The following CCL18 variants were observed in gnomAD, a reference collection of about 807,000 sequenced individuals.
CCL18 encodes C-C motif chemokine 18.
In CCL18, 7 loss-of-function variants were observed where a neutral mutation model predicts 8.0. The observed-to-expected ratio is 0.87, with a 90% CI of 0.50 to 1.64. The LOEUF (loss-of-function observed/expected upper bound fraction) is 1.64, where lower values mean the gene tolerates loss of function less well. Ranked by LOEUF, CCL18 falls within the 40% of genes most tolerant of loss-of-function variation. The pLI is 0.00. For synonymous variants in CCL18, 35 were observed against 41.3 expected (o/e 0.85, Z 0.59); for missense variants, 95 against 107.8 (o/e 0.88, Z 0.52).
chr17:36,070,546 A>T lies in CCL18; in HGVS notation c.167A>T (p.Lys56Met), dbSNP rs761414533. ...DYSETSPQCPKPGVILLTKRG... is the reference protein window; with the variant it reads ...DYSETSPQCPMPGVILLTKRG... The stretch of plus-strand genomic sequence containing the variant: ...TCTGAAACCAGCCCCCAGTGCCCCA[A>T]GCCAGGTGTCATGTAAGTGCCAGTG... Residue 56 changes from lysine (K) to methionine (M), a missense_variant, in exon 2 of 3, where the codon AAG (lysine) becomes ATG (methionine). Lys to Met is a moderately conservative substitution (Grantham distance 95). Coordinates refer to ENST00000616054, the MANE Select transcript of CCL18 (RefSeq NM_002988.4). 12 of 1,609,228 alleles carry T rather than the reference A, an allele frequency of 7.5e-6. No individual in the cohort carries two copies. The Admixed American group carries it at 1.3e-4, about 18-fold the overall frequency.
In CCL18 at chr17:36,071,036, G is replaced by A; in HGVS notation, c.265G>A (p.Ala89Thr). 6.2e-7 allele frequency: 1 copy of A among 1,610,304 alleles called. No individual in the cohort carries two copies. The highest frequency in any genetic ancestry group is 8.5e-7 in the Non-Finnish European group (1 of 1,176,536). The change falls in exon 3 of 3, where the codon GCC becomes ACC. Residue 89 changes from alanine to threonine, a missense_variant. Coordinates refer to ENST00000616054, the MANE Select transcript of CCL18 (RefSeq NM_002988.4). ...QKYISDLKLN[A>T] ...ATACATCAGCGACCTGAAGCTGAAT[G>A]CCTGAGGGGCCTGGAAGCTGCGAGG...
At chr17:36,065,930 A>G (rs914872399) in intron 1 of CCL18, among the ~76,000 whole-genome samples, 1 of 152,128 alleles carries the variant, frequency 6.6e-6, no homozygotes, top group Non-Finnish European at 1.5e-5. Context: ...CCAGCAAGAG[A>G]CCATCGTCTC....
In CCL18 at chr17:36,071,879, C is replaced by G. The variant is rs1028786852; in HGVS notation, c.*838C>G. 2.6e-5 allele frequency: 4 copies of G among 152,308 alleles called. No individual in the cohort carries two copies. In the East Asian group the frequency reaches 7.7e-4, roughly 29 times the overall value. The allele number at this position is 152,308 out of a possible 1,614,324, so 9.4% of individuals were successfully genotyped here. ...CTAGCAAATACTGCCCATAGTCTAG[C>G]AAGGACTCCTTACCTGGAAGTTGCT... On this transcript the variant is annotated 3_prime_UTR_variant, in exon 3 of 3. Coordinates refer to ENST00000616054, the MANE Select transcript of CCL18 (RefSeq NM_002988.4).
chr17:36,069,517 A>G (rs1239264531), intron 1 of CCL18, among the ~76,000 whole-genome samples: 1 of 152,218 alleles, frequency 6.6e-6, no homozygotes, highest in Non-Finnish European at 1.5e-5. Flanking sequence ...AATCTGTATA[A>G]CAAACTCCCA....
At chr17:36,067,439 C>T (rs931204635) in intron 1 of CCL18, among the ~76,000 whole-genome samples, 5 of 152,116 alleles carry the variant, frequency 3.3e-5, no homozygotes, top group African/African-American at 1.2e-4. Context: ...GTAATCCTAG[C>T]ACTTTGGGAG....
rs2066866240 is a variant in CCL18, at chr17:36,071,435, T to C, written c.*394T>C. ...TTGCTCAGCACCACCTTTTAATATA[T>C]TGGCAGTACTTATTATATAAAAGGT... is the stretch of plus-strand genomic sequence containing the variant. On this transcript the variant is annotated 3_prime_UTR_variant, in exon 3 of 3. Coordinates refer to ENST00000616054, the MANE Select transcript of CCL18 (RefSeq NM_002988.4). 1 of 166,070 alleles carries C rather than the reference T, an allele frequency of 6.0e-6. No homozygotes were observed. Among genetic ancestry groups the C allele is most frequent in the Admixed American group, 5.9e-5 (1 of 16,938 alleles). The allele number at this position is 166,070 out of a possible 1,614,324, so 10.3% of individuals were successfully genotyped here.
chr17:36,068,357 A>G (rs1369441163), intron 1 of CCL18, among the ~76,000 whole-genome samples: 2 of 152,010 alleles, frequency 1.3e-5, no homozygotes, highest in African/African-American at 2.4e-5. Flanking sequence ...AGGTTTGGGT[A>G]CTAGAATTTT....
chr17:36,064,373 C>A lies in CCL18; in HGVS notation c.31C>A (p.Leu11Ile). 1 of 1,614,100 alleles carries A rather than the reference C, an allele frequency of 6.2e-7. No individual in the cohort carries two copies. Among genetic ancestry groups the A allele is most frequent in the Non-Finnish European group, 8.5e-7 (1 of 1,179,962 alleles). MKGLAAALLV[L>I]VCTMALCSCA... ...GGGCCTTGCAGCTGCCCTCCTTGTC[C>A]TCGTCTGCACCATGGCCCTCTGCTC... Residue 11 changes from leucine (L) to isoleucine (I), a missense_variant, in exon 1 of 3, where the codon CTC becomes ATC. Leu to Ile is a conservative substitution (Grantham distance 5). Transcript: ENST00000616054.
Position 36,071,041 on chromosome 17 carries a change from A to T in CCL18, c.270A>T (p.Ter90CysextTer35). ...TCAGCGACCTGAAGCTGAATGCCTG[A>T]GGGGCCTGGAAGCTGCGAGGGCCCA... ...KYISDLKLNA[*>C] Residue 90 changes from the stop codon to cysteine, a stop_lost, in exon 3 of 3, where the codon TGA becomes TGT. Coordinates refer to ENST00000616054, the MANE Select transcript of CCL18 (RefSeq NM_002988.4). The T allele has an allele frequency of 6.2e-7, 1 of 1,610,164 alleles. No individual in the cohort carries two copies. Among genetic ancestry groups the T allele is most frequent in the Non-Finnish European group, 8.5e-7 (1 of 1,176,412 alleles).
intron 1 of CCL18, among the ~76,000 whole-genome samples, chr17:36,069,540 A>G (rs1039797317): frequency 1.3e-5 from 2 of 152,232 alleles, no homozygotes; most frequent in Admixed American, 6.5e-5. Context: ...ACATGAGTTT[A>G]CCTATGTAAC....
At position 36,070,067 on chromosome 17, in the gene CCL18, AT is replaced by A. The variant is rs557461139; in HGVS notation, c.68-376del. Among the ~76,000 whole-genome samples, 5 of 152,078 alleles carry A rather than the reference AT, an allele frequency of 3.3e-5. No individual in the cohort carries two copies. The South Asian group carries it at 1.0e-3, about 32-fold the overall frequency. Reference sequence around the variant, plus strand: ...GATGAGAAAATGGAGGCCCACGGGGATTTTGACAAGAGGTAGGATCTGGGTC... The same window carrying A: ...GATGAGAAAATGGAGGCCCACGGGGATTTGACAAGAGGTAGGATCTGGGTC... On this transcript the variant is annotated intron_variant, in intron 1 of 2. Coordinates refer to ENST00000616054, the MANE Select transcript of CCL18 (RefSeq NM_002988.4).
At position 36,064,398 on chromosome 17, in the gene CCL18, C is replaced by G. The variant is rs750809251; in HGVS notation, c.56C>G (p.Ser19Cys). 6.2e-7 allele frequency: 1 copy of G among 1,613,598 alleles called. No individual in the cohort carries two copies. The highest frequency in any genetic ancestry group is 8.5e-7 in the Non-Finnish European group (1 of 1,179,564). Residue 19 changes from serine (S) to cysteine (C), a missense_variant, in exon 1 of 3, where the codon TCC (serine) becomes TGC (cysteine). By Grantham distance (112) the Ser-to-Cys change is moderately radical (BLOSUM62 -1). Coordinates refer to ENST00000616054, the MANE Select transcript of CCL18 (RefSeq NM_002988.4). The part of the protein sequence containing the change: ...LVLVCTMALC[S>C]CAQVGTNKEL... ...CTCGTCTGCACCATGGCCCTCTGCT[C>G]CTGTGCACAAGGTGAGTCTGTCATC...
In CCL18 at chr17:36,070,402, C is replaced by A. The variant is rs377712313; in HGVS notation, c.68-45C>A. ...AAAGGGACCAGGAGCAGCTGGCTTGCCTTGTGAACAATGACTTGGGATCTT... is the reference window on the plus strand; with the variant it reads ...AAAGGGACCAGGAGCAGCTGGCTTGACTTGTGAACAATGACTTGGGATCTT... On this transcript the variant is annotated intron_variant, in intron 1 of 2. Transcript: ENST00000616054. 3 of 1,216,010 alleles carry A rather than the reference C, an allele frequency of 2.5e-6. No individual in the cohort carries two copies. The East Asian group carries it at 7.0e-5, about 28-fold the overall frequency. The allele number at this position is 1,216,010 out of a possible 1,614,324, so 75.3% of individuals were successfully genotyped here.
chr17:36,065,550 A>G (rs1263857039), intron 1 of CCL18, among the ~76,000 whole-genome samples: 1 of 152,170 alleles, frequency 6.6e-6, no homozygotes, highest in African/African-American at 2.4e-5. Flanking sequence ...TAAGAGCACC[A>G]GCTGCTGGAG....
At chr17:36,070,605 G>T (rs146886736) in intron 2 of CCL18, 47 bp downstream of exon 2, 59 of 1,228,076 alleles carry the variant, frequency 4.8e-5, no homozygotes, top group Non-Finnish European at 6.6e-5. Context: ...AGGATGGGAG[G>T]TTTGGGGTGA....
At position 36,064,403 on chromosome 17, in the gene CCL18, G is replaced by C; in HGVS notation, c.61G>C (p.Ala21Pro). ...CTGCACCATGGCCCTCTGCTCCTGTGCACAAGGTGAGTCTGTCATCCATGT... is the reference window on the plus strand; with the variant it reads ...CTGCACCATGGCCCTCTGCTCCTGTCCACAAGGTGAGTCTGTCATCCATGT... ...LVCTMALCSC[A>P]QVGTNKELCC... The change falls in exon 1 of 3, where the codon GCA (alanine) becomes CCA (proline). Residue 21 changes from alanine to proline, a missense_variant. Physicochemically the swap from Ala to Pro is conservative, Grantham distance 27. Transcript: ENST00000616054. 6.2e-7 allele frequency: 1 copy of C among 1,613,402 alleles called. No homozygotes were observed. Among genetic ancestry groups the C allele is most frequent in the African/African-American group, 1.3e-5 (1 of 75,028 alleles).
chr17:36,065,467 C>G (rs893540000), intron 1 of CCL18, among the ~76,000 whole-genome samples: 2 of 152,170 alleles, frequency 1.3e-5, no homozygotes, highest in Non-Finnish European at 2.9e-5. Context: ...CTCCTTGTCC[C>G]TTGTCCCATG....
At chr17:36,066,039 A>G (rs1310714810) in intron 1 of CCL18, among the ~76,000 whole-genome samples, 2 of 152,210 alleles carry the variant, frequency 1.3e-5, no homozygotes, top group African/African-American at 4.8e-5. Context: ...CATCTTGTGA[A>G]TGACTGAGTT....
intron 2 of CCL18, 66 bp from the exon 3 acceptor site, chr17:36,070,885 A>G (rs1187508125): frequency 5.0e-6 from 6 of 1,193,738 alleles, no homozygotes; most frequent in Non-Finnish European, 7.5e-6. Context: ...ACAGAGAAGG[A>G]CGCAGGGGCC....
Sources: gnomAD v4.1 joint callset for allele counts (sites outside exome capture counted in the v4.1 genomes callset) on GRCh38, gnomAD v4.1.1 for gene constraint, MANE v1.5 for transcripts, NCBI Gene and HGNC (gene_info 2026-07-23, HGNC 2026-07-21) for gene names.